Variants in DNTTIP1 observed in about 807,000 individuals in gnomAD.
DNTTIP1 encodes the protein deoxynucleotidyltransferase terminal interacting protein 1, also known as deoxynucleotidyltransferase terminal-interacting protein 1.
In DNTTIP1, 22 loss-of-function variants were observed where a neutral mutation model predicts 52.9. That is an observed-to-expected ratio of 0.42 (90% confidence interval 0.30 to 0.59). The LOEUF is 0.59. DNTTIP1 is among the 20% of genes least tolerant of loss of function. The pLI is 0.22. For synonymous variants in DNTTIP1, 136 were observed against 155.1 expected (o/e 0.88, Z 0.92); for missense variants, 286 against 435.5 (o/e 0.66, Z 3.06).
chr20:45,792,706 G>C lies in DNTTIP1; in HGVS notation c.135G>C (p.Arg45=). The change falls in exon 2 of 13, where the codon CGG becomes CGC. Residue 45 remains arginine, a synonymous_variant. Transcript: ENST00000372622. The stretch of plus-strand genomic sequence containing the variant: ...CTTGGAACATAATGATAAAGCACCG[G>C]CAGGTGCAGCGGAGGGGCCGCCGCT... ...TNPWNIMIKH[R]QVQRRGRRSQ... is the part of the protein sequence containing the mutation. The C allele has an allele frequency of 6.2e-7, 1 of 1,612,452 alleles. No homozygotes were observed. The highest frequency in any genetic ancestry group is 8.5e-7 in the Non-Finnish European group (1 of 1,179,274).
At chr20:45,805,446 A>T in intron 10 of DNTTIP1, 80 bp downstream of exon 10, 1 of 1,463,536 alleles carries the variant, frequency 6.8e-7, no homozygotes, top group Non-Finnish European at 9.3e-7. Flanking sequence ...GAAGCTTAGA[A>T]CAAACACTGA....
At chr20:45,807,150 T>G (rs1009923934) in intron 10 of DNTTIP1, among the ~76,000 whole-genome samples, 1 of 151,410 alleles carries the variant, frequency 6.6e-6, no homozygotes, top group Non-Finnish European at 1.5e-5. Flanking sequence ...TGAGACGGAG[T>G]CTTGCTCTGT....
In DNTTIP1 at chr20:45,795,867, A is replaced by G. The variant is rs138077355; in HGVS notation, c.372+424A>G. Among the ~76,000 whole-genome samples, 310 of 152,328 alleles carry G rather than the reference A, an allele frequency of 2.0e-3. 2 individuals are homozygous for G. The highest frequency in any genetic ancestry group is 7.0e-3 in the African/African-American group (291 of 41,580). On this transcript the variant is annotated intron_variant, in intron 4 of 12. Coordinates refer to ENST00000372622, the MANE Select transcript of DNTTIP1 (RefSeq NM_052951.3). ...TTTTGGGGAATGCCCAGCAAGCCAC[A>G]TATTGAGATAGGCTTGAGGCTGTTG...
chr20:45,798,565 C>T (rs1981321701), intron 4 of DNTTIP1, among the ~76,000 whole-genome samples: 1 of 152,152 alleles, frequency 6.6e-6, no homozygotes, highest in Non-Finnish European at 1.5e-5. Context: ...TTTCATCTCA[C>T]CTCTTTTTTA....
chr20:45,805,259 A>G, intron 9 of DNTTIP1, 47 bp from the exon 10 acceptor site: 1 of 1,614,050 alleles, frequency 6.2e-7, no homozygotes, highest in Non-Finnish European at 8.5e-7. Flanking sequence ...GTTCACTAGT[A>G]GGACTACACT....
intron 4 of DNTTIP1, 94 bp from the exon 5 acceptor site, chr20:45,800,980 C>G (rs950801526): frequency 9.5e-7 from 1 of 1,057,244 alleles, no homozygotes; most frequent in African/African-American, 1.7e-5. Context: ...AGCAACAGAG[C>G]AAGACTCTGT....
chr20:45,794,330 G>A (rs1054570251), intron 3 of DNTTIP1, among the ~76,000 whole-genome samples: 3 of 151,958 alleles, frequency 2.0e-5, no homozygotes, highest in African/African-American at 7.3e-5. Flanking sequence ...TGTATTTTTA[G>A]TAGAGACGGG....
chr20:45,794,139 TTTTTG>T (rs778011252), intron 3 of DNTTIP1, 122 bp downstream of exon 3: 7 of 561,852 alleles, frequency 1.2e-5, no homozygotes, highest in African/African-American at 1.9e-5. Flanking sequence ...TTTCTTGTTG[TTTTTG>T]TTTTGTTTTG....
rs746406509 is a variant in DNTTIP1, at chr20:45,802,070, CA to C, written c.557+15del. 20 of 1,613,774 alleles carry C rather than the reference CA, an allele frequency of 1.2e-5. No homozygotes were observed. In the African/African-American group the frequency reaches 2.5e-4, roughly 20 times the overall value. On this transcript the variant is annotated intron_variant, in intron 7 of 12. Coordinates refer to ENST00000372622, the MANE Select transcript of DNTTIP1 (RefSeq NM_052951.3). ...CCGCCGGCATGGTGTGAGTAGGGAC[CA>C]ACAGTGTGGTGAGAGCATAGGGGAG...
intron 4 of DNTTIP1, among the ~76,000 whole-genome samples, chr20:45,797,432 A>G (rs1981277920): frequency 1.3e-5 from 2 of 152,208 alleles, no homozygotes; most frequent in Admixed American, 6.5e-5. Context: ...CAAGGACTTC[A>G]TGACTAAAAC....
intron 7 of DNTTIP1, among the ~76,000 whole-genome samples, chr20:45,802,280 C>G (rs1164444103): frequency 3.3e-5 from 5 of 152,164 alleles, no homozygotes; most frequent in Non-Finnish European, 1.5e-5. Flanking sequence ...AAAGATTAAA[C>G]TCCAGAGGTT....
intron 4 of DNTTIP1, among the ~76,000 whole-genome samples, chr20:45,800,003 C>CCAGCTACT (rs1981373111): frequency 6.6e-6 from 1 of 150,992 alleles, no homozygotes; most frequent in African/African-American, 2.4e-5. Context: ...GCCTGTAATC[C>CCAGCTACT]CAGCTACTCA....
At chr20:45,802,738 A>G (rs1189542358) in intron 7 of DNTTIP1, among the ~76,000 whole-genome samples, 1 of 152,098 alleles carries the variant, frequency 6.6e-6, no homozygotes, top group African/African-American at 2.4e-5. Flanking sequence ...ACAGGCATCC[A>G]CCATTCTAGT....
chr20:45,800,357 T>C (rs1189469363), intron 4 of DNTTIP1, among the ~76,000 whole-genome samples: 5 of 152,074 alleles, frequency 3.3e-5, no homozygotes, highest in African/African-American at 9.7e-5. Flanking sequence ...AAAATAGATA[T>C]CTATTTCTAT....
chr20:45,795,397 A>G lies in DNTTIP1; in HGVS notation c.326A>G (p.Asp109Gly). 6.2e-7 allele frequency: 1 copy of G among 1,611,768 alleles called. No homozygotes were observed. Among genetic ancestry groups the G allele is most frequent in the Non-Finnish European group, 8.5e-7 (1 of 1,178,846 alleles). ...NVRDNVGEEVDAEQLIQEACR... is the reference protein window; with the variant it reads ...NVRDNVGEEVGAEQLIQEACR... Reference sequence around the variant, plus strand: ...CGAGACAATGTTGGGGAGGAGGTGGACGCAGAGCAGCTGATCCAGGAAGCC... The same window carrying G: ...CGAGACAATGTTGGGGAGGAGGTGGGCGCAGAGCAGCTGATCCAGGAAGCC... The change falls in exon 4 of 13, where the codon GAC becomes GGC. Residue 109 changes from aspartate (D) to glycine (G), a missense_variant. Coordinates refer to ENST00000372622, the MANE Select transcript of DNTTIP1 (RefSeq NM_052951.3).
Position 45,792,870 on chromosome 20 carries a change from A to G in DNTTIP1, c.176+123A>G, listed in dbSNP as rs1981081777. ...TAGAAAGAGCACAGGACTGAGGAAG[A>G]GGAGACTCCGATTCTGTAACTCTGT... On this transcript the variant is annotated intron_variant, in intron 2 of 12. Transcript: ENST00000372622. The G allele has an allele frequency of 6.5e-6, 5 of 769,226 alleles. No homozygotes were observed. In the Admixed American group the frequency reaches 1.1e-4, roughly 16 times the overall value. 47.7% of individuals were successfully genotyped at this position (769,226 alleles called of 1,614,324 possible). A position where few individuals can be genotyped will look rare whatever the true frequency, so the allele number is the denominator to read the frequency against.
intron 4 of DNTTIP1, among the ~76,000 whole-genome samples, chr20:45,800,689 AAAAAAATATATATATATATATATATAT>A (rs1568707632): frequency 1.5e-5 from 1 of 64,984 alleles, no homozygotes; most frequent in Non-Finnish European, 2.7e-5. Flanking sequence ...TAAAAAAAAA[AAAAAAATATATATATATATATATATAT>A]ATATATATAT....
At chr20:45,792,155 TCG>T in intron 1 of DNTTIP1, 46 bp downstream of exon 1, 2 of 1,135,210 alleles carry the variant, frequency 1.8e-6, no homozygotes, top group Non-Finnish European at 2.2e-6. Flanking sequence ...GGGCACGGCC[TCG>T]GGGCTCCTGG....
chr20:45,793,556 C>T (rs1326061709), intron 2 of DNTTIP1, among the ~76,000 whole-genome samples: 6 of 152,068 alleles, frequency 3.9e-5, no homozygotes, highest in Admixed American at 6.6e-5. Context: ...AAAAATTAGC[C>T]GGGCGTGGTG....
Sources: gnomAD v4.1 joint callset for allele counts (sites outside exome capture counted in the v4.1 genomes callset) on GRCh38, gnomAD v4.1.1 for gene constraint, MANE v1.5 for transcripts, NCBI Gene and HGNC (gene_info 2026-07-23, HGNC 2026-07-21) for gene names.